Variants in DENND4C observed in about 807,000 individuals in gnomAD.
DENND4C encodes the protein DENN domain-containing protein 4C.
DENND4C carries 108 observed loss-of-function variants against 203.0 expected under a neutral mutation model. The observed-to-expected ratio is 0.53, with a 90% CI of 0.46 to 0.62. The LOEUF (loss-of-function observed/expected upper bound fraction) is 0.62. DENND4C is among the 20% of genes least tolerant of loss of function. DENND4C has a pLI of 0.00. For missense variants in DENND4C, 2,481 were observed against 2,301.2 expected, an observed-to-expected ratio of 1.08 and a Z score of -1.60; for synonymous variants, 871 against 792.4, an observed-to-expected ratio of 1.10 and a Z score of -1.67.
intron 5 of DENND4C, among the ~76,000 whole-genome samples, chr9:19,295,669 CAAAAA>C (rs1173472125): frequency 2.8e-5 from 2 of 72,636 alleles, no homozygotes; most frequent in Admixed American, 1.7e-4. Context: ...GACTCCATCT[CAAAAA>C]AAAAAAAAAA....
In DENND4C at chr9:19,372,884, A is replaced by C. The variant is rs114547466; in HGVS notation, c.*711A>C. On this transcript the variant is annotated 3_prime_UTR_variant, in exon 33 of 33. Transcript: ENST00000434457. ...AAAAAAAAAAAAAAAAAAAAAAGAG[A>C]GCAACATATTTGTGTAAGTTTGTAT... The C allele has an allele frequency of 6.7e-6, 1 of 149,232 alleles. No homozygotes were observed. The highest frequency in any genetic ancestry group is 2.0e-4 in the East Asian group (1 of 5,076). The allele number at this position is 149,232 out of a possible 1,614,324, so 9.2% of individuals were successfully genotyped here.
In DENND4C at chr9:19,336,422, A is replaced by G. The variant is rs1423807632; in HGVS notation, c.2734+8A>G. 6 of 1,606,640 alleles carry G rather than the reference A, an allele frequency of 3.7e-6. No individual in the cohort carries two copies. In the African/African-American group the frequency reaches 4.0e-5, roughly 11 times the overall value. ...AGGTCTCCTCAATATCAGGTAATACATGTGATTAGAAATATAATTCCTTAC... is the reference window on the plus strand; with the variant it reads ...AGGTCTCCTCAATATCAGGTAATACGTGTGATTAGAAATATAATTCCTTAC... On this transcript the variant is annotated splice_region_variant and intron_variant, in intron 19 of 32. Coordinates refer to ENST00000434457, the MANE Select transcript of DENND4C (RefSeq NM_001330640.2).
intron 12 of DENND4C, among the ~76,000 whole-genome samples, chr9:19,320,036 G>C (rs1183362872): frequency 6.6e-6 from 1 of 152,100 alleles, no homozygotes; most frequent in Admixed American, 6.5e-5. Flanking sequence ...GTAGGTTCAA[G>C]AGCTGCAGTG....
At chr9:19,232,687 C>T (rs751798912) in intron 1 of DENND4C, among the ~76,000 whole-genome samples, 1 of 152,050 alleles carries the variant, frequency 6.6e-6, no homozygotes, top group Admixed American at 6.6e-5. Flanking sequence ...ATTCTTAAAA[C>T]GCAAATGTTT....
At position 19,282,630 on chromosome 9, in the gene DENND4C, A is replaced by G. The variant is rs1168850106; in HGVS notation, c.306-4139A>G. Among the ~76,000 whole-genome samples the G allele has an allele frequency of 2.0e-5, 3 of 149,842 alleles. 1 individual carries two copies. The South Asian group carries it at 6.3e-4, about 31-fold the overall frequency. On this transcript the variant is annotated intron_variant, in intron 2 of 32. Coordinates refer to ENST00000434457, the MANE Select transcript of DENND4C (RefSeq NM_001330640.2). ...GGCATTGCACTCCTAGGCTCAAGTG[A>G]TCCAGCCTCAGCCTGCTGAATAGCT...
intron 10 of DENND4C, among the ~76,000 whole-genome samples, chr9:19,308,376 A>G (rs910183319): frequency 6.6e-6 from 1 of 152,212 alleles, no homozygotes. Context: ...TTTGATGGTA[A>G]TGGTATTTCA....
At position 19,245,681 on chromosome 9, in the gene DENND4C, C is replaced by T. The variant is rs918385433; in HGVS notation, c.-18+14848C>T. On this transcript the variant is annotated intron_variant, in intron 1 of 32. Transcript: ENST00000434457. ...ATTAGCCTGGCCAACGTGGTGAAACCCCGTCTCTACTAAAAATACAAAAAA... is the reference window on the plus strand; with the variant it reads ...ATTAGCCTGGCCAACGTGGTGAAACTCCGTCTCTACTAAAAATACAAAAAA... Among the ~76,000 whole-genome samples, 3 of 151,972 alleles carry T rather than the reference C, an allele frequency of 2.0e-5. No individual in the cohort carries two copies. In the South Asian group the frequency reaches 6.2e-4, roughly 32 times the overall value.
intron 27 of DENND4C, chr9:19,357,481 T>G: frequency 3.6e-6 from 1 of 278,726 alleles, no homozygotes. Flanking sequence ...TAAATACTAA[T>G]TGAATCAAAC....
chr9:19,362,023 C>T (rs1194777535), intron 30 of DENND4C, 60 bp downstream of exon 30: 27 of 1,087,710 alleles, frequency 2.5e-5, no homozygotes, highest in Non-Finnish European at 3.0e-5. Context: ...CCTGTAATGC[C>T]AGCACTTTGG....
intron 29 of DENND4C, 119 bp downstream of exon 29, chr9:19,360,608 A>G (rs1563841745): frequency 2.9e-6 from 4 of 1,371,892 alleles, no homozygotes; most frequent in Non-Finnish European, 4.0e-6. Flanking sequence ...CTCTCACTTA[A>G]AAGTTTGGAT....
chr9:19,233,719 A>G (rs1821168042), intron 1 of DENND4C, among the ~76,000 whole-genome samples: 1 of 151,592 alleles, frequency 6.6e-6, no homozygotes, highest in Admixed American at 6.6e-5. Context: ...CAGCTTCCCA[A>G]ATAGCTGGGA....
At chr9:19,278,802 G>A (rs1833432961) in intron 2 of DENND4C, among the ~76,000 whole-genome samples, 1 of 152,116 alleles carries the variant, frequency 6.6e-6, no homozygotes, top group Non-Finnish European at 1.5e-5. Context: ...TTGAGCATAT[G>A]AGCCAGGTTA....
At chr9:19,299,353 T>C (rs539153548) in intron 8 of DENND4C, 66 bp downstream of exon 8, 2 of 1,115,694 alleles carry the variant, frequency 1.8e-6, no homozygotes, top group African/African-American at 1.7e-5. Flanking sequence ...AATATTTTAG[T>C]GATTAGTATA....
At chr9:19,349,862 T>G (rs1226700393) in intron 23 of DENND4C, among the ~76,000 whole-genome samples, 1 of 152,194 alleles carries the variant, frequency 6.6e-6, no homozygotes. Context: ...AAAAACAATA[T>G]TCTAATTTGT....
At position 19,364,628 on chromosome 9, in the gene DENND4C, C is replaced by T. The variant is rs550824174; in HGVS notation, c.5524+2665C>T. Among the ~76,000 whole-genome samples the T allele has an allele frequency of 2.6e-5, 4 of 151,962 alleles. No homozygotes were observed. In the South Asian group the frequency reaches 6.2e-4, roughly 24 times the overall value. On this transcript the variant is annotated intron_variant, in intron 30 of 32. Coordinates refer to ENST00000434457, the MANE Select transcript of DENND4C (RefSeq NM_001330640.2). ...TGCCCAGGGGCTGGGCACGATGGCT[C>T]ACGCCTGTAATCCCAGCATTCTGGG...
intron 1 of DENND4C, among the ~76,000 whole-genome samples, chr9:19,255,303 G>A (rs1287900701): frequency 6.6e-6 from 1 of 152,070 alleles, no homozygotes; most frequent in African/African-American, 2.4e-5. Flanking sequence ...TACTCAGGAG[G>A]CTGAGCTAGA....
Position 19,237,690 on chromosome 9 carries a change from A to G in DENND4C, c.-18+6857A>G, listed in dbSNP as rs143041960. ...TTTATACACAATCATTTCTGCAGAG[A>G]AATCCAGTTGTACTTACTCATTTCC... is the stretch of plus-strand genomic sequence containing the variant. On this transcript the variant is annotated intron_variant, in intron 1 of 32. Coordinates refer to ENST00000434457, the MANE Select transcript of DENND4C (RefSeq NM_001330640.2). Among the ~76,000 whole-genome samples, 566 of 152,298 alleles carry G rather than the reference A, an allele frequency of 3.7e-3. 3 individuals are homozygous for G. The highest frequency in any genetic ancestry group is 0.013 in the African/African-American group (537 of 41,574).
intron 10 of DENND4C, among the ~76,000 whole-genome samples, chr9:19,307,136 A>T (rs1014385776): frequency 6.6e-6 from 1 of 151,980 alleles, no homozygotes; most frequent in Non-Finnish European, 1.5e-5. Context: ...AGTGTCTCAC[A>T]CCTTTAATCT....
chr9:19,252,865 A>G (rs1391941014), intron 1 of DENND4C, among the ~76,000 whole-genome samples: 3 of 151,968 alleles, frequency 2.0e-5, no homozygotes, highest in African/African-American at 4.8e-5. Flanking sequence ...CCTTCCAAGT[A>G]TCTAGGACCA....
Sources: allele counts gnomAD v4.1 joint callset (sites outside exome capture counted in the v4.1 genomes callset), GRCh38; gene constraint gnomAD v4.1.1; transcripts MANE v1.5; gene names NCBI Gene and HGNC (gene_info 2026-07-23, HGNC 2026-07-21).